VWA8: variants seen among roughly 807,000 people sequenced by gnomAD.
VWA8 encodes von Willebrand factor A domain containing 8, also known as von Willebrand factor A domain-containing protein 8.
A neutral mutation model predicts 241.5 loss-of-function variants in VWA8; 221 were observed. The ratio of observed to expected loss-of-function variants is 0.91; its 90% CI spans 0.82 to 1.02. The LOEUF (loss-of-function observed/expected upper bound fraction) is 1.02. VWA8 is among the 50% of genes least tolerant of loss of function. VWA8 has a pLI of 0.00. For missense variants in VWA8, 2,322 were observed against 2,328.7 expected (o/e 1.00, Z 0.06); for synonymous variants, 852 against 827.1 (o/e 1.03, Z -0.52).
intron 32 of VWA8, among the ~76,000 whole-genome samples, chr13:41,690,746 C>T (rs777517587): frequency 7.2e-5 from 11 of 152,064 alleles, no homozygotes; most frequent in Non-Finnish European, 1.2e-4. Context: ...GATACTTCTG[C>T]TTGTCAGCAG....
intron 2 of VWA8, among the ~76,000 whole-genome samples, chr13:41,923,480 G>C (rs1197133764): frequency 6.6e-6 from 1 of 152,060 alleles, no homozygotes; most frequent in Admixed American, 6.5e-5. Context: ...CTTTGTGGGA[G>C]AAATGTATCC....
At chr13:41,625,430 C>T (rs971904381) in intron 37 of VWA8, among the ~76,000 whole-genome samples, 1 of 152,160 alleles carries the variant, frequency 6.6e-6, no homozygotes, top group Non-Finnish European at 1.5e-5. Flanking sequence ...AGGATATGAA[C>T]AGACACTTCT....
At chr13:41,634,200 C>T (rs2044742797) in intron 37 of VWA8, among the ~76,000 whole-genome samples, 1 of 152,230 alleles carries the variant, frequency 6.6e-6, no homozygotes, top group African/African-American at 2.4e-5. Flanking sequence ...TTGGGCTGAG[C>T]TAGGGTGAGT....
chr13:41,750,023 T>TA (rs756012522), intron 21 of VWA8, among the ~76,000 whole-genome samples: 346 of 151,072 alleles, frequency 2.3e-3, no homozygotes, highest in Middle Eastern at 6.8e-3. Flanking sequence ...TAAAGTATAT[T>TA]AAAAAAAAAG....
chr13:41,862,485 A>G (rs909079145), intron 12 of VWA8, among the ~76,000 whole-genome samples: 14 of 152,236 alleles, frequency 9.2e-5, no homozygotes, highest in Non-Finnish European at 2.1e-4. Flanking sequence ...CAGCAAAAGG[A>G]GCTATCAGCA....
intron 39 of VWA8, among the ~76,000 whole-genome samples, chr13:41,610,875 A>G (rs2139660285): frequency 6.6e-6 from 1 of 152,236 alleles, no homozygotes; most frequent in East Asian, 1.9e-4. Context: ...GTGGCCCAGA[A>G]CAGCTGGGGA....
At chr13:41,584,931 G>C (rs1025235492) in intron 42 of VWA8, among the ~76,000 whole-genome samples, 2 of 152,114 alleles carry the variant, frequency 1.3e-5, no homozygotes, top group African/African-American at 4.8e-5. Context: ...CCTTCTATCA[G>C]AATGAGTAGT....
chr13:41,907,699 G>C lies in VWA8; in HGVS notation c.373-3C>G, dbSNP rs1287561806. On this transcript the variant is annotated splice_polypyrimidine_tract_variant and splice_region_variant and intron_variant, in intron 3 of 44. Transcript: ENST00000379310. Reference sequence around the variant, plus strand: ...TCGACCTCCCGTTTGGTCAGCTCCTGTAGAGAAGAGAATGAAATTATTCCA... The same window carrying C: ...TCGACCTCCCGTTTGGTCAGCTCCTCTAGAGAAGAGAATGAAATTATTCCA... 1 of 1,610,460 alleles carries C rather than the reference G, an allele frequency of 6.2e-7. No homozygotes were observed.
At chr13:41,727,353 T>C (rs1254978315) in intron 23 of VWA8, 40 bp from the exon 24 acceptor site, 1 of 1,241,188 alleles carries the variant, frequency 8.1e-7, no homozygotes, top group Non-Finnish European at 1.1e-6. Context: ...CAATATTTAA[T>C]AATTCTTAAA....
chr13:41,618,195 T>C (rs960822146), intron 37 of VWA8, among the ~76,000 whole-genome samples: 3 of 152,200 alleles, frequency 2.0e-5, no homozygotes, highest in East Asian at 3.8e-4. Flanking sequence ...TGGTATACCA[T>C]TGTGGTTTTG....
intron 14 of VWA8, among the ~76,000 whole-genome samples, chr13:41,824,922 T>A (rs2137991861): frequency 6.6e-6 from 1 of 151,498 alleles, no homozygotes; most frequent in Non-Finnish European, 1.5e-5. Context: ...ATGCTCAGTA[T>A]ATCAATGACA....
At chr13:41,615,141 A>G in intron 37 of VWA8, 57 bp from the exon 38 acceptor site, 1 of 1,562,656 alleles carries the variant, frequency 6.4e-7, no homozygotes, top group Admixed American at 1.7e-5. Context: ...CAGGGACTGC[A>G]TGACAGAAAA....
intron 43 of VWA8, among the ~76,000 whole-genome samples, chr13:41,575,340 ATC>A (rs2044343751): frequency 6.6e-6 from 1 of 152,122 alleles, no homozygotes; most frequent in Admixed American, 6.5e-5. Context: ...TGGGTACACT[ATC>A]TCAAAATTCA....
chr13:41,805,141 T>C (rs1212653079), intron 17 of VWA8, among the ~76,000 whole-genome samples: 1 of 152,118 alleles, frequency 6.6e-6, no homozygotes, highest in Non-Finnish European at 1.5e-5. Flanking sequence ...AAAATGAGAC[T>C]CAATGATCTG....
intron 24 of VWA8, among the ~76,000 whole-genome samples, chr13:41,723,425 C>A (rs1228338123): frequency 6.6e-6 from 1 of 152,136 alleles, no homozygotes; most frequent in Non-Finnish European, 1.5e-5. Flanking sequence ...AACTTGTTAG[C>A]TTAAAAGTAG....
In VWA8 at chr13:41,899,787, A is replaced by G. The variant is rs1875332892; in HGVS notation, c.483+7799T>C. 3.9e-5 allele frequency among the ~76,000 whole-genome samples: 6 copies of G among 152,242 alleles called. No individual in the cohort carries two copies. The South Asian group carries it at 1.0e-3, about 26-fold the overall frequency. ...GCAACAACGTACTGTGCCATACCAT[A>G]TATCTCAGACTCAACTGGAGAGAAA... On this transcript the variant is annotated intron_variant, in intron 4 of 44. Transcript: ENST00000379310.
chr13:41,753,668 C>T (rs1008351490), intron 21 of VWA8, among the ~76,000 whole-genome samples: 9 of 152,102 alleles, frequency 5.9e-5, no homozygotes, highest in Admixed American at 5.9e-4. Context: ...CATAACATGG[C>T]CATATTTAAA....
intron 21 of VWA8, among the ~76,000 whole-genome samples, chr13:41,733,294 A>T (rs1197942537): frequency 1.3e-5 from 2 of 152,234 alleles, no homozygotes; most frequent in African/African-American, 4.8e-5. Flanking sequence ...TTTTAGTAGA[A>T]GAAATATAAT....
chr13:41,778,988 C>G (rs2137930847), intron 19 of VWA8, among the ~76,000 whole-genome samples: 1 of 150,510 alleles, frequency 6.6e-6, no homozygotes, highest in Non-Finnish European at 1.5e-5. Flanking sequence ...ACTACAGGTG[C>G]CTGCCACCAC....
Sources: allele counts gnomAD v4.1 joint callset (sites outside exome capture counted in the v4.1 genomes callset), GRCh38; gene constraint gnomAD v4.1.1; transcripts MANE v1.5; gene names NCBI Gene and HGNC (gene_info 2026-07-23, HGNC 2026-07-21).